Variants in PCDHGA3 observed in about 807,000 individuals in gnomAD.
The protein encoded by PCDHGA3 is protocadherin gamma subfamily A, 3.
PCDHGA3 carries 40 observed loss-of-function variants against 58.5 expected under a neutral mutation model. The observed-to-expected ratio is 0.68, with a 90% CI of 0.53 to 0.89. PCDHGA3 has a LOEUF of 0.89. PCDHGA3 is among the 40% of genes least tolerant of loss of function. The pLI is 0.00. For synonymous variants in PCDHGA3, 530 were observed against 525.7 expected (o/e 1.01, Z -0.11); for missense variants, 1,223 against 1,195.9 (o/e 1.02, Z -0.33).
intron 2 of PCDHGA3, among the ~76,000 whole-genome samples, chr5:141,502,827 A>G (rs1003204508): frequency 2.7e-5 from 4 of 150,478 alleles, no homozygotes; most frequent in African/African-American, 9.8e-5. Flanking sequence ...TCCTTGGGGA[A>G]GCCTGGACTG....
intron 1 of PCDHGA3, chr5:141,400,525 G>A: frequency 6.2e-7 from 1 of 1,613,908 alleles, no homozygotes; most frequent in Non-Finnish European, 8.5e-7. Context: ...TCCTGAGTTG[G>A]TGAGTTTCAT....
intron 1 of PCDHGA3, chr5:141,388,688 C>T: frequency 6.2e-7 from 1 of 1,613,970 alleles, no homozygotes; most frequent in Non-Finnish European, 8.5e-7. Context: ...CTGCCACGGA[C>T]CAGGATGAGG....
In PCDHGA3 at chr5:141,390,150, C is replaced by A. The variant is rs768850867; in HGVS notation, c.2424+43693C>A. The A allele has an allele frequency of 3.7e-6, 6 of 1,613,916 alleles. No homozygotes were observed. The African/African-American group carries it at 8.0e-5, about 22-fold the overall frequency. On this transcript the variant is annotated intron_variant, in intron 1 of 3. Transcript: ENST00000253812. ...TTATTCCTACAATCTATGTGTTGCA[C>A]ATACAGGAAAGACGGAGTTTAATTT...
intron 1 of PCDHGA3, chr5:141,399,067 G>A (rs774399021): frequency 4.3e-6 from 7 of 1,613,834 alleles, no homozygotes; most frequent in African/African-American, 1.3e-5. Context: ...ATATTCAATG[G>A]TTGTAGAAGG....
Position 141,432,093 on chromosome 5 carries a change from CCAACGA to C in PCDHGA3, c.2425-62709_2425-62704del. 1.2e-6 allele frequency: 2 copies of C among 1,614,170 alleles called. No individual in the cohort carries two copies. The highest frequency in any genetic ancestry group is 1.7e-6 in the Non-Finnish European group (2 of 1,180,046). On this transcript the variant is annotated intron_variant, in intron 1 of 3. Coordinates refer to ENST00000253812, the MANE Select transcript of PCDHGA3 (RefSeq NM_018916.4). The surrounding 1 kb of genome is among the most constrained non-coding windows in gnomAD (Gnocchi z 6.0). ...CATATCTCGCTGAACGTGGCAGACA[CCAACGA>C]CAACCCGCCGGTCTTCCCTCAGGCC...
At chr5:141,399,708 A>C (rs769072460) in intron 1 of PCDHGA3, 50 of 1,613,374 alleles carry the variant, frequency 3.1e-5, no homozygotes, top group Non-Finnish European at 4.2e-5. Context: ...TCGAACTCAC[A>C]CTACAGGCCC....
intron 1 of PCDHGA3, among the ~76,000 whole-genome samples, chr5:141,363,365 A>G (rs867687044): frequency 5.3e-5 from 8 of 152,158 alleles, no homozygotes; most frequent in Admixed American, 2.6e-4. Flanking sequence ...ATTTTTTTCA[A>G]TCAAGAGGTT....
chr5:141,431,325 G>A lies in PCDHGA3; in HGVS notation c.2425-63482G>A. On this transcript the variant is annotated intron_variant, in intron 1 of 3. Transcript: ENST00000253812. The surrounding 1 kb of genome is among the most constrained non-coding windows in gnomAD (Gnocchi z 4.8). ...ATCGTGCAAAATGGAGCCGACGGTA[G>A]TAAGTACCCCGAATTGGTGCTGAAA... is the stretch of plus-strand genomic sequence containing the variant. 6.2e-7 allele frequency: 1 copy of A among 1,614,144 alleles called. No homozygotes were observed. The highest frequency in any genetic ancestry group is 8.5e-7 in the Non-Finnish European group (1 of 1,180,052).
In PCDHGA3 at chr5:141,491,841, A is replaced by T. The variant is rs995010359; in HGVS notation, c.2425-2966A>T. The T allele has an allele frequency of 1.4e-6, 2 of 1,465,172 alleles. No homozygotes were observed. The highest frequency in any genetic ancestry group is 1.4e-5 in the African/African-American group (1 of 69,948). 90.8% of individuals were successfully genotyped at this position (1,465,172 alleles called of 1,614,324 possible). ...TGCGCTCCACCCGATTCTCGGGATC[A>T]TTGGACCGTTTGCGCGAAACCAGAG... is the stretch of plus-strand genomic sequence containing the variant. On this transcript the variant is annotated intron_variant, in intron 1 of 3. Transcript: ENST00000253812. The surrounding 1 kb of genome is among the most constrained non-coding windows in gnomAD (Gnocchi z 6.9).
chr5:141,509,199 GTC>G (rs1017134758), intron 3 of PCDHGA3, among the ~76,000 whole-genome samples: 1 of 152,070 alleles, frequency 6.6e-6, no homozygotes, highest in Non-Finnish European at 1.5e-5. Context: ...AATATTTCCT[GTC>G]TCTCTATTTC....
intron 1 of PCDHGA3, among the ~76,000 whole-genome samples, chr5:141,459,559 A>AC (rs920626314): frequency 6.6e-6 from 1 of 152,198 alleles, no homozygotes; most frequent in Non-Finnish European, 1.5e-5. Flanking sequence ...TTGGATAAAT[A>AC]CCCCAAAACA....
chr5:141,409,639 G>A, intron 1 of PCDHGA3: 1 of 1,613,760 alleles, frequency 6.2e-7, no homozygotes, highest in Non-Finnish European at 8.5e-7. Flanking sequence ...CCTCTGACCC[G>A]GATTTGGGGC....
chr5:141,419,830 T>G, intron 1 of PCDHGA3: 1 of 1,614,052 alleles, frequency 6.2e-7, no homozygotes, highest in African/African-American at 1.3e-5. Context: ...TTTCAGCCAC[T>G]GCCACGCTGC....
intron 1 of PCDHGA3, chr5:141,418,283 ATCAG>A: frequency 1.9e-6 from 3 of 1,613,996 alleles, no homozygotes; most frequent in Non-Finnish European, 2.5e-6. Context: ...AAACTTAGAA[ATCAG>A]TGAATCCGTC....
At chr5:141,360,253 G>A in intron 1 of PCDHGA3, 1 of 1,613,900 alleles carries the variant, frequency 6.2e-7, no homozygotes, top group Non-Finnish European at 8.5e-7. Flanking sequence ...AATTCCAGAG[G>A]AGCTGGCCAA....
chr5:141,491,685 G>A lies in PCDHGA3; in HGVS notation c.2425-3122G>A. 1 of 1,613,164 alleles carries A rather than the reference G, an allele frequency of 6.2e-7. No individual in the cohort carries two copies. The highest frequency in any genetic ancestry group is 8.5e-7 in the Non-Finnish European group (1 of 1,179,646). On this transcript the variant is annotated intron_variant, in intron 1 of 3. Transcript: ENST00000253812. The surrounding 1 kb of genome is among the most constrained non-coding windows in gnomAD (Gnocchi z 6.9). ...CCATCCGGTCCCGCTCTAATACGCTGCGGGAGCGGAGCCAGGTGAGGGGCT... is the reference window on the plus strand; with the variant it reads ...CCATCCGGTCCCGCTCTAATACGCTACGGGAGCGGAGCCAGGTGAGGGGCT...
At chr5:141,438,649 CACATATATGTAT>C (rs1346265042) in intron 1 of PCDHGA3, among the ~76,000 whole-genome samples, 20 of 100,970 alleles carry the variant, frequency 2.0e-4, no homozygotes, top group Admixed American at 2.1e-4. Flanking sequence ...CACACACACA[CACATATATGTAT>C]ATATATATTT....
intron 1 of PCDHGA3, chr5:141,372,386 C>T (rs376952769): frequency 2.8e-5 from 45 of 1,614,038 alleles, no homozygotes; most frequent in Non-Finnish European, 3.8e-5. Flanking sequence ...ACCTAATCTT[C>T]GCAGATAGCT....
At chr5:141,423,695 G>T in intron 1 of PCDHGA3, 1 of 1,338,020 alleles carries the variant, frequency 7.5e-7, no homozygotes, top group Non-Finnish European at 9.7e-7. Context: ...AATTGTTGGT[G>T]TCTTGGCACA....
Sources: gnomAD v4.1 joint callset for allele counts (sites outside exome capture counted in the v4.1 genomes callset) on GRCh38, gnomAD v4.1.1 for gene constraint, Gnocchi (gnomAD v3.1) non-coding constraint, MANE v1.5 for transcripts, NCBI Gene and HGNC (gene_info 2026-07-23, HGNC 2026-07-21) for gene names.